INTS1: variants seen among roughly 807,000 people sequenced by gnomAD.
The protein encoded by INTS1 is integrator complex subunit 1.
In INTS1, 137 loss-of-function variants were observed where a neutral mutation model predicts 241.6. The ratio of observed to expected loss-of-function variants is 0.57; its 90% CI spans 0.49 to 0.65. The LOEUF is 0.65. INTS1 is among the 30% of genes least tolerant of loss of function. The probability of loss-of-function intolerance (pLI) is 0.00; values close to 1 mark genes in which losing one functional copy is unlikely to be tolerated. For synonymous variants in INTS1, 1,692 were observed against 1,337.8 expected (o/e 1.26, Z -5.78); for missense variants, 3,073 against 3,032.2 (o/e 1.01, Z -0.32).
At chr7:1,475,340 G>GT (rs1781661940) in intron 39 of INTS1, among the ~76,000 whole-genome samples, 1 of 152,036 alleles carries the variant, frequency 6.6e-6, no homozygotes, top group South Asian at 2.1e-4. Context: ...AGCTATGATG[G>GT]TACCGCTGCA....
intron 12 of INTS1, 112 bp from the exon 13 acceptor site, chr7:1,495,665 A>AC: frequency 2.9e-6 from 4 of 1,376,602 alleles, no homozygotes; most frequent in Non-Finnish European, 3.9e-6. Flanking sequence ...AACTCAGGGC[A>AC]CCCCCAGCTT....
intron 22 of INTS1, 130 bp downstream of exon 22, chr7:1,486,495 C>A: frequency 3.0e-6 from 3 of 1,016,614 alleles, no homozygotes; most frequent in Non-Finnish European, 2.8e-6. Context: ...CAACTCCTGA[C>A]CTCAGGTAAT....
rs1354022437 is a variant in INTS1 at position 1,487,374 on chromosome 7, G to A, written c.2592C>T (p.His864=). Reference sequence around the variant, plus strand: ...CAGGGTTTCGGCTGCGGCACAAGAGGTGCCCGAGGCGGAGGGACTGGTTGA... The same window carrying A: ...CAGGGTTTCGGCTGCGGCACAAGAGATGCCCGAGGCGGAGGGACTGGTTGA... ...KSLNQSLRLG[H]LLCRSRNPDF... The change falls in exon 20 of 48, where the codon CAC becomes CAT. Residue 864 remains histidine, a synonymous_variant. Coordinates refer to ENST00000404767, the MANE Select transcript of INTS1 (RefSeq NM_001080453.3). 3 of 1,610,818 alleles carry A rather than the reference G, an allele frequency of 1.9e-6. No individual in the cohort carries two copies. In the South Asian group the frequency reaches 3.3e-5, roughly 18 times the overall value.
In INTS1 at chr7:1,499,868, G is replaced by A. The variant is rs377269038; in HGVS notation, c.684+16C>T. On this transcript the variant is annotated intron_variant, in intron 5 of 47. Coordinates refer to ENST00000404767, the MANE Select transcript of INTS1 (RefSeq NM_001080453.3). ...GGCGCTCTGCCATCTTCACCGTCCC[G>A]GGAGAGGACGCTCACCTTGACAAAG... The A allele has an allele frequency of 2.0e-5, 32 of 1,608,692 alleles. No homozygotes were observed. Among genetic ancestry groups the A allele is most frequent in the Middle Eastern group, 1.7e-4 (1 of 6,060 alleles).
Position 1,482,725 on chromosome 7 carries a change from G to T in INTS1, c.3542-18C>A. 1 of 1,611,498 alleles carries T rather than the reference G, an allele frequency of 6.2e-7. No homozygotes were observed. Among genetic ancestry groups the T allele is most frequent in the Non-Finnish European group, 8.5e-7 (1 of 1,179,142 alleles). On this transcript the variant is annotated intron_variant, in intron 26 of 47. Transcript: ENST00000404767. ...GTCGTCGGCTTCAGGAAGGACAACG[G>T]GTGAGCAGCCTTCAGACCCACCGGG...
intron 25 of INTS1, 66 bp from the exon 26 acceptor site, chr7:1,483,919 C>T: frequency 6.3e-7 from 1 of 1,586,284 alleles, no homozygotes; most frequent in Non-Finnish European, 8.6e-7. Context: ...CGAGGGTACC[C>T]AGCTGGCACC....
chr7:1,482,550 G>C lies in INTS1; in HGVS notation c.3699C>G (p.Asp1233Glu), dbSNP rs200641108. The C allele has an allele frequency of 2.2e-4, 347 of 1,607,068 alleles. No homozygotes were observed. The highest frequency in any genetic ancestry group is 1.1e-4 in the Non-Finnish European group (126 of 1,175,978). ...MIRSEVLRLV[D>E]AALQDLEPQQ... is the part of the protein sequence containing the mutation. Reference sequence around the variant, plus strand: ...CAAGCCCAGCCTGGACCGTACCGGCGTCCACCAGGCGGAGCACCTCAGAAC... The same window carrying C: ...CAAGCCCAGCCTGGACCGTACCGGCCTCCACCAGGCGGAGCACCTCAGAAC... Residue 1233 changes from aspartate (D) to glutamate (E), a missense_variant, in exon 27 of 48, where the codon GAC (aspartate) becomes GAG (glutamate). Asp to Glu is a conservative substitution (Grantham distance 45). Transcript: ENST00000404767.
chr7:1,476,862 C>T lies in INTS1; in HGVS notation c.4995G>A (p.Thr1665=), dbSNP rs780986340. The change falls in exon 36 of 48, where the codon ACG becomes ACA. Residue 1665 remains threonine (T), a synonymous_variant. Transcript: ENST00000404767. ...GCAGTGTGGGCCAGCTGGACTGATG[C>T]GTGAAGAGGGTCAGGAGGTAGGGAC... The part of the protein sequence containing the change: ...SFRPYLLTLF[T]HQSSWPTLHQ... 9.9e-6 allele frequency: 16 copies of T among 1,612,664 alleles called. No homozygotes were observed. The highest frequency in any genetic ancestry group is 5.3e-5 in the African/African-American group (4 of 74,884).
chr7:1,487,269 T>A lies in INTS1; in HGVS notation c.2646+51A>T, dbSNP rs981364608. On this transcript the variant is annotated intron_variant, in intron 20 of 47. Coordinates refer to ENST00000404767, the MANE Select transcript of INTS1 (RefSeq NM_001080453.3). ...CTGGCCACCAAGGCCTCCGGAAGGT[T>A]CCGGGCCTCCCAAGACCACCATCTC... 5 of 1,551,966 alleles carry A rather than the reference T, an allele frequency of 3.2e-6. No homozygotes were observed. The South Asian group carries it at 3.6e-5, about 11-fold the overall frequency.
At chr7:1,500,113 G>A in intron 4 of INTS1, 57 bp downstream of exon 4, 1 of 1,584,058 alleles carries the variant, frequency 6.3e-7, no homozygotes, top group Non-Finnish European at 8.6e-7. Context: ...GGGGAGGTGA[G>A]GAGGGGAGCC....
Position 1,487,090 on chromosome 7 carries a change from C to T in INTS1, c.2658G>A (p.Gln886=). The change falls in exon 21 of 48, where the codon CAG becomes CAA. Residue 886 remains glutamine (Q), a synonymous_variant. Coordinates refer to ENST00000404767, the MANE Select transcript of INTS1 (RefSeq NM_001080453.3). ...CCAGGTCCGCCAGCCAGGGCATGGA[C>T]TGCGAGGAGGCCTGGGCAGGCGACA... The part of the protein sequence containing the change: ...LHIIQRQASS[Q]SMPWLADLVQ... The T allele has an allele frequency of 6.5e-7, 1 of 1,549,114 alleles. No individual in the cohort carries two copies. The highest frequency in any genetic ancestry group is 8.7e-7 in the Non-Finnish European group (1 of 1,151,180).
Position 1,497,088 on chromosome 7 carries a change from G to GC in INTS1, c.1602+49dup. On this transcript the variant is annotated intron_variant, in intron 11 of 47. Coordinates refer to ENST00000404767, the MANE Select transcript of INTS1 (RefSeq NM_001080453.3). The surrounding 1 kb of genome is among the most constrained non-coding windows in gnomAD (Gnocchi z 5.3). ...GACCCAGGACGAGGGGGATGGCGGC[G>GC]CGTGGAACCCGCAGTGAGGGAAAGG... The GC allele has an allele frequency of 2.0e-6, 3 of 1,523,672 alleles. No homozygotes were observed. In the Middle Eastern group the frequency reaches 5.5e-4, roughly 280 times the overall value. The allele number at this position is 1,523,672 out of a possible 1,614,324, so 94.4% of individuals were successfully genotyped here. A position where few individuals can be genotyped will look rare whatever the true frequency, so the allele number is the denominator to read the frequency against.
In INTS1 at chr7:1,483,730, G is replaced by A; in HGVS notation, c.3541+12C>T. ...CACGAAGCTGCCCCTCCCGGGGCCT[G>A]TGGCGGCTCACCTCGAGGCGGGCCC... On this transcript the variant is annotated intron_variant, in intron 26 of 47. Transcript: ENST00000404767. 5.0e-6 allele frequency: 8 copies of A among 1,605,708 alleles called. No homozygotes were observed. The highest frequency in any genetic ancestry group is 6.8e-6 in the Non-Finnish European group (8 of 1,176,142).
At chr7:1,495,681 C>T (rs1174417798) in intron 12 of INTS1, 128 bp from the exon 13 acceptor site, 11 of 1,219,890 alleles carry the variant, frequency 9.0e-6, no homozygotes, top group African/African-American at 1.5e-5. Context: ...AGCTTCTGGA[C>T]GATTCCCAGC....
At position 1,478,520 on chromosome 7, in the gene INTS1, G is replaced by A. The variant is rs762181175; in HGVS notation, c.4490-14C>T. ...GCCCCCCTCGCACTGTGGGAGGTCT[G>A]TGTGAGTGCCCTGTGGCTCCAGCCC... On this transcript the variant is annotated splice_polypyrimidine_tract_variant and intron_variant, in intron 32 of 47. Transcript: ENST00000404767. 1 of 1,606,694 alleles carries A rather than the reference G, an allele frequency of 6.2e-7. No individual in the cohort carries two copies. Among genetic ancestry groups the A allele is most frequent in the Non-Finnish European group, 8.5e-7 (1 of 1,177,520 alleles).
At chr7:1,492,613 G>A (rs191562744) in intron 16 of INTS1, among the ~76,000 whole-genome samples, 3 of 116,910 alleles carry the variant, frequency 2.6e-5, no homozygotes, top group South Asian at 2.8e-4. Flanking sequence ...TGAATATATA[G>A]AGCATAAACT....
At chr7:1,492,849 AGTGGGG>A (rs1782635339) in intron 16 of INTS1, among the ~76,000 whole-genome samples, 155 bp downstream of exon 16, 1 of 126,020 alleles carries the variant, frequency 7.9e-6, no homozygotes, top group Admixed American at 8.0e-5. Flanking sequence ...GGGAGTGGGG[AGTGGGG>A]AGCGGGGCGC....
In INTS1 at chr7:1,493,591, C is replaced by CA. The variant is rs1562512327; in HGVS notation, c.2068+162_2068+163insT. 2.0e-5 allele frequency among the ~76,000 whole-genome samples: 3 copies of CA among 151,868 alleles called. No homozygotes were observed. Among genetic ancestry groups the CA allele is most frequent in the Non-Finnish European group, 2.9e-5 (2 of 67,954 alleles). On this transcript the variant is annotated intron_variant, in intron 15 of 47. Transcript: ENST00000404767. The surrounding 1 kb of genome is among the most constrained non-coding windows in gnomAD (Gnocchi z 5.3). The stretch of plus-strand genomic sequence containing the variant: ...TACACGCACGCTTCTGAATTCCCAA[C>CA]GGCAGATGTGGAGAAGGCAGGTCCC...
intron 17 of INTS1, 29 bp downstream of exon 17, chr7:1,489,562 T>TGC: frequency 6.5e-7 from 1 of 1,545,158 alleles, no homozygotes. Context: ...GGGCCACGTG[T>TGC]GCGCATGGGG....
Sources: gnomAD v4.1 joint callset for allele counts (sites outside exome capture counted in the v4.1 genomes callset) on GRCh38, gnomAD v4.1.1 for gene constraint, Gnocchi (gnomAD v3.1) non-coding constraint, MANE v1.5 for transcripts, NCBI Gene and HGNC (gene_info 2026-07-23, HGNC 2026-07-21) for gene names.